Variants in MYO18A observed in about 807,000 individuals in gnomAD.
MYO18A encodes the protein unconventional myosin-XVIIIa.
MYO18A carries 78 observed loss-of-function variants against 235.8 expected under a neutral mutation model. The observed-to-expected ratio is 0.33, with a 90% CI of 0.28 to 0.40. The LOEUF (loss-of-function observed/expected upper bound fraction) is 0.40. Among genes scored for constraint, MYO18A ranks in the 10% least tolerant of loss-of-function variants. The pLI, the probability that MYO18A is intolerant of heterozygous loss-of-function variation, is 1.00. For missense variants in MYO18A, 2,215 were observed against 2,699.3 expected (o/e 0.82, Z 3.98); for synonymous variants, 977 against 1,077.8 (o/e 0.91, Z 1.83).
At position 29,126,266 on chromosome 17, in the gene MYO18A, G is replaced by A. The variant is rs1201613662; in HGVS notation, c.1000-4013C>T. On this transcript the variant is annotated intron_variant, in intron 2 of 41. Transcript: ENST00000527372. This position sits in a 1 kb window ranked among gnomAD's most constrained non-coding sequence, Gnocchi z 4.1. ...ACAGGTGGCTAAACTCCAGGTCAGG[G>A]CATGTCTCAGCTCCCATCTCCTCCC... 1.3e-5 allele frequency among the ~76,000 whole-genome samples: 2 copies of A among 149,918 alleles called. No individual in the cohort carries two copies. The highest frequency in any genetic ancestry group is 1.5e-5 in the Non-Finnish European group (1 of 67,418).
At chr17:29,149,650 G>A (rs1165731527) in intron 2 of MYO18A, among the ~76,000 whole-genome samples, 3 of 152,262 alleles carry the variant, frequency 2.0e-5, no homozygotes, top group Non-Finnish European at 2.9e-5. Flanking sequence ...ATATGCGGCC[G>A]ACTGCAGGGA....
intron 2 of MYO18A, among the ~76,000 whole-genome samples, chr17:29,130,431 AAAAAT>A (rs985142780): frequency 6.6e-6 from 1 of 151,310 alleles, no homozygotes; most frequent in African/African-American, 2.4e-5. Context: ...TTTTTGCAAA[AAAAAT>A]AAAATAAAAT....
At chr17:29,104,631 T>C (rs1472563564) in intron 20 of MYO18A, among the ~76,000 whole-genome samples, 3 of 152,010 alleles carry the variant, frequency 2.0e-5, no homozygotes, top group African/African-American at 7.2e-5. Context: ...TCAATATATA[T>C]GTGATAATTG....
chr17:29,122,299 G>C (rs2152861521), intron 2 of MYO18A, 46 bp from the exon 3 acceptor site: 9 of 1,558,708 alleles, frequency 5.8e-6, no homozygotes, highest in African/African-American at 5.4e-5. Context: ...ATGGAAGACA[G>C]GGACAAGGAC....
chr17:29,142,524 G>GC, intron 2 of MYO18A, among the ~76,000 whole-genome samples: 1 of 152,244 alleles, frequency 6.6e-6, no homozygotes, highest in East Asian at 1.9e-4. Flanking sequence ...CAGGCCAGCA[G>GC]CGTGGGCATC....
chr17:29,092,754 T>C, intron 33 of MYO18A, 101 bp downstream of exon 33: 2 of 1,492,252 alleles, frequency 1.3e-6, no homozygotes, highest in Middle Eastern at 1.8e-4. Context: ...TCACTTTCCT[T>C]CCCAAGGACT....
At chr17:29,103,973 T>C (rs1386133269) in intron 20 of MYO18A, among the ~76,000 whole-genome samples, 2 of 152,172 alleles carry the variant, frequency 1.3e-5, no homozygotes, top group African/African-American at 4.8e-5. Flanking sequence ...AAGTGAGAAT[T>C]TGTTGGACAA....
intron 2 of MYO18A, among the ~76,000 whole-genome samples, chr17:29,130,725 T>C (rs1487756737): frequency 1.3e-5 from 2 of 152,202 alleles, no homozygotes; most frequent in Non-Finnish European, 2.9e-5. Flanking sequence ...TGCTACCAGC[T>C]GCCCTCTCCT....
At chr17:29,171,568 T>A (rs141168219) in intron 1 of MYO18A, among the ~76,000 whole-genome samples, 269 of 152,298 alleles carry the variant, frequency 1.8e-3, no homozygotes, top group African/African-American at 6.2e-3. Context: ...TACTGATGTC[T>A]ACGTTTTACT....
In MYO18A at chr17:29,094,845, T is replaced by A. The variant is rs2066482564; in HGVS notation, c.4515A>T (p.Lys1505Asn). 1.9e-6 allele frequency: 3 copies of A among 1,614,020 alleles called. No homozygotes were observed. Among genetic ancestry groups the A allele is most frequent in the Non-Finnish European group, 2.5e-6 (3 of 1,179,890 alleles). The change falls in exon 30 of 42, where the codon AAA (lysine) becomes AAT (asparagine). Residue 1505 changes from lysine to asparagine, a missense_variant. Coordinates refer to ENST00000527372, the MANE Select transcript of MYO18A (RefSeq NM_078471.4). Reference sequence around the variant, plus strand: ...GGGTGAACCCTGCAATGTCCATGTCTTTTTCCTGGAGCAAAAGAGATGAGG... The same window carrying A: ...GGGTGAACCCTGCAATGTCCATGTCATTTTCCTGGAGCAAAAGAGATGAGG... ...AFSLKQQLEE[K>N]DMDIAGFTQK...
chr17:29,166,503 C>T lies in MYO18A; in HGVS notation c.438G>A (p.Arg146=). The change falls in exon 2 of 42, where the codon CGG becomes CGA. Residue 146 remains arginine (R), a synonymous_variant. Transcript: ENST00000527372. ...TCGAGGTTTCTGAGGCGCTCTCATC[C>T]CGGCTACGCTGGGAGAAGGAAAAGC... ...VKRFSFSQRS[R]DESASETSTP... 1.2e-6 allele frequency: 2 copies of T among 1,613,644 alleles called. No individual in the cohort carries two copies. The highest frequency in any genetic ancestry group is 8.5e-7 in the Non-Finnish European group (1 of 1,179,854).
At chr17:29,080,775 C>G (rs562581966) in intron 41 of MYO18A, 1 of 985,404 alleles carries the variant, frequency 1.0e-6, no homozygotes, top group Non-Finnish European at 1.2e-6. Flanking sequence ...CGCACTCCTC[C>G]GGCTCCTCGG....
intron 41 of MYO18A, chr17:29,080,620 G>C (rs2066096569): frequency 1.0e-6 from 1 of 985,642 alleles, no homozygotes; most frequent in South Asian, 4.7e-5. Flanking sequence ...GGAAGAGCCA[G>C]CCCTGTCTTC....
At chr17:29,124,852 T>C (rs1031296438) in intron 2 of MYO18A, among the ~76,000 whole-genome samples, 1 of 152,100 alleles carries the variant, frequency 6.6e-6, no homozygotes, top group African/African-American at 2.4e-5. Flanking sequence ...ACCTGGGACC[T>C]GGCCTGAGCA....
rs1239605127 is a variant in MYO18A, at chr17:29,125,714, AC to A, written c.1000-3462del. Reference sequence around the variant, plus strand: ...ACAGGACTTTGGGCTCTCTGGAGGAACCACTCTCCCCAGAGCACTTCTCTCA... The same window carrying A: ...ACAGGACTTTGGGCTCTCTGGAGGAACACTCTCCCCAGAGCACTTCTCTCA... On this transcript the variant is annotated intron_variant, in intron 2 of 41. Coordinates refer to ENST00000527372, the MANE Select transcript of MYO18A (RefSeq NM_078471.4). This position sits in a 1 kb window ranked among gnomAD's most constrained non-coding sequence, Gnocchi z 5.1. Among the ~76,000 whole-genome samples the A allele has an allele frequency of 6.6e-6, 1 of 152,276 alleles. No individual in the cohort carries two copies. The highest frequency in any genetic ancestry group is 2.4e-5 in the African/African-American group (1 of 41,554).
At chr17:29,129,348 G>A (rs1217293096) in intron 2 of MYO18A, among the ~76,000 whole-genome samples, 2 of 152,214 alleles carry the variant, frequency 1.3e-5, no homozygotes, top group Non-Finnish European at 2.9e-5. Context: ...AGTTCCCAGA[G>A]TGTGTATAGC....
chr17:29,090,899 G>C lies in MYO18A; in HGVS notation c.5215C>G (p.Arg1739Gly), dbSNP rs569889703. The C allele has an allele frequency of 6.2e-7, 1 of 1,613,992 alleles. No homozygotes were observed. Among genetic ancestry groups the C allele is most frequent in the South Asian group, 1.1e-5 (1 of 91,086 alleles). Reference protein sequence around the residue: ...ALEEQLSRLQREKNEIQNRLE... With the variant: ...ALEEQLSRLQGEKNEIQNRLE... ...CGGTTCTGGATCTCATTCTTCTCAC[G>C]CTGAAGGCGGCTCAGCTGCTCCTCC... Residue 1739 changes from arginine to glycine, a missense_variant, in exon 35 of 42, where the codon CGT becomes GGT. By Grantham distance (125) the Arg-to-Gly change is moderately radical. Transcript: ENST00000527372.
intron 40 of MYO18A, among the ~76,000 whole-genome samples, chr17:29,084,996 C>T (rs191801447): frequency 5.9e-5 from 9 of 152,336 alleles, no homozygotes; most frequent in Admixed American, 3.9e-4. Context: ...CCTCTGCCCA[C>T]GGTACCGCAG....
At chr17:29,102,358 G>A (rs2066675352) in intron 21 of MYO18A, among the ~76,000 whole-genome samples, 1 of 152,214 alleles carries the variant, frequency 6.6e-6, no homozygotes, top group South Asian at 2.1e-4. Context: ...TGGCGGGAAA[G>A]ACCAGGGTGA....
Sources: gnomAD v4.1 joint callset for allele counts (sites outside exome capture counted in the v4.1 genomes callset) on GRCh38, gnomAD v4.1.1 for gene constraint, Gnocchi (gnomAD v3.1) non-coding constraint, MANE v1.5 for transcripts, NCBI Gene and HGNC (gene_info 2026-07-23, HGNC 2026-07-21) for gene names.